Variants in TMED5 observed in about 807,000 individuals in gnomAD.
TMED5 encodes the protein transmembrane emp24 domain-containing protein 5.
In TMED5, 27 loss-of-function variants were observed where a neutral mutation model predicts 23.0. That is an observed-to-expected ratio of 1.17 (90% CI 0.86 to 1.62). The LOEUF (loss-of-function observed/expected upper bound fraction) is 1.62, where lower values mean the gene tolerates loss of function less well. Ranked by LOEUF, TMED5 falls within the 40% of genes most tolerant of loss-of-function variation. TMED5 has a pLI of 0.00. For missense variants in TMED5, 248 were observed against 273.7 expected (o/e 0.91, Z 0.66); for synonymous variants, 97 against 100.8 (o/e 0.96, Z 0.23).
In TMED5 at chr1:93,151,091, A is replaced by G. The variant is rs981634544; in HGVS notation, c.*3579T>C. 10 of 152,160 alleles carry G rather than the reference A, an allele frequency of 6.6e-5. No homozygotes were observed. Among genetic ancestry groups the G allele is most frequent in the African/African-American group, 2.4e-4 (10 of 41,428 alleles). 9.4% of individuals were successfully genotyped at this position (152,160 alleles called of 1,614,324 possible). On this transcript the variant is annotated 3_prime_UTR_variant, in exon 4 of 4. Coordinates refer to ENST00000370282, the MANE Select transcript of TMED5 (RefSeq NM_016040.5). ...ATGCAGGGATCCAGAGTCCATCTCC[A>G]TTGTGCCCTGTCTTATGTAACATCA...
At chr1:93,163,632 T>C (rs1398597928) in intron 1 of TMED5, among the ~76,000 whole-genome samples, 2 of 151,474 alleles carry the variant, frequency 1.3e-5, no homozygotes, top group Admixed American at 6.6e-5. Context: ...TGTGAGCCAC[T>C]GTGCCTGGCC....
rs1274783059 is a variant in TMED5 at position 93,153,677 on chromosome 1, G to C, written c.*993C>G. On this transcript the variant is annotated 3_prime_UTR_variant, in exon 4 of 4. Coordinates refer to ENST00000370282, the MANE Select transcript of TMED5 (RefSeq NM_016040.5). ...TTTTTCTAAATTCTTTCCTGTTTCT[G>C]ATAATTCTTAGAGCTCAGAAAAGGA... 2 of 151,952 alleles carry C rather than the reference G, an allele frequency of 1.3e-5. No individual in the cohort carries two copies. Among genetic ancestry groups the C allele is most frequent in the Admixed American group, 1.3e-4 (2 of 15,244 alleles). The allele number at this position is 151,952 out of a possible 1,614,324, so 9.4% of individuals were successfully genotyped here. A position where few individuals can be genotyped will look rare whatever the true frequency, so the allele number is the denominator to read the frequency against.
chr1:93,157,399 A>G (rs772680471), intron 2 of TMED5, among the ~76,000 whole-genome samples: 1 of 152,226 alleles, frequency 6.6e-6, no homozygotes, highest in Non-Finnish European at 1.5e-5. Context: ...CTGAATTACC[A>G]GTACCCTAGT....
At chr1:93,156,010 A>G in intron 3 of TMED5, 1 of 1,297,896 alleles carries the variant, frequency 7.7e-7, no homozygotes, top group Non-Finnish European at 1.0e-6. Context: ...AAAAATTCTA[A>G]CTGCACATTT....
intron 1 of TMED5, among the ~76,000 whole-genome samples, chr1:93,170,139 C>T (rs992211007): frequency 2.6e-5 from 4 of 152,220 alleles, no homozygotes; most frequent in African/African-American, 9.6e-5. Flanking sequence ...CTCTCAGCGC[C>T]TCCTTGGCCT....
chr1:93,168,767 G>A (rs1338716855), intron 1 of TMED5, among the ~76,000 whole-genome samples: 3 of 152,178 alleles, frequency 2.0e-5, no homozygotes, highest in Non-Finnish European at 2.9e-5. Flanking sequence ...TCTGGGAGGT[G>A]GAGGTTGCAG....
chr1:93,173,520 A>T (rs550577336), intron 1 of TMED5, among the ~76,000 whole-genome samples: 1 of 152,326 alleles, frequency 6.6e-6, no homozygotes, highest in African/African-American at 2.4e-5. Flanking sequence ...GAAAATAGAG[A>T]TGAACTACAA....
intron 1 of TMED5, among the ~76,000 whole-genome samples, chr1:93,171,874 T>C (rs1306357060): frequency 2.0e-5 from 3 of 152,246 alleles, no homozygotes; most frequent in African/African-American, 7.2e-5. Flanking sequence ...CAGATGGATT[T>C]GTTCCAAGTA....
rs570122389 is a variant in TMED5, at chr1:93,179,939, G to T, written c.189+115C>A. ...CGCGGAGCGGGCTGGCTTCCTGAAC[G>T]GCCCTCGCCTCTTCACCACCAGGGC... On this transcript the variant is annotated intron_variant, in intron 1 of 3. Coordinates refer to ENST00000370282, the MANE Select transcript of TMED5 (RefSeq NM_016040.5). The T allele has an allele frequency of 1.3e-5, 15 of 1,161,950 alleles. No homozygotes were observed. The South Asian group carries it at 2.1e-4, about 16-fold the overall frequency. 72.0% of individuals were successfully genotyped at this position (1,161,950 alleles called of 1,614,324 possible).
rs540727546 is a variant in TMED5 at position 93,150,800 on chromosome 1, G to A, written c.*3870C>T. 2.0e-5 allele frequency: 3 copies of A among 152,300 alleles called. No homozygotes were observed. The East Asian group carries it at 5.8e-4, about 29-fold the overall frequency. The allele number at this position is 152,300 out of a possible 1,614,324, so 9.4% of individuals were successfully genotyped here. A position where few individuals can be genotyped will look rare whatever the true frequency, so the allele number is the denominator to read the frequency against. On this transcript the variant is annotated 3_prime_UTR_variant, in exon 4 of 4. Transcript: ENST00000370282. Reference sequence around the variant, plus strand: ...TTGCCACTTAACACTTCCAGGATTAGGGAGTAGTATCTTTCTTTCTGAGGG... The same window carrying A: ...TTGCCACTTAACACTTCCAGGATTAAGGAGTAGTATCTTTCTTTCTGAGGG...
intron 1 of TMED5, among the ~76,000 whole-genome samples, chr1:93,178,742 C>T (rs976507646): frequency 6.6e-6 from 1 of 152,236 alleles, no homozygotes; most frequent in Admixed American, 6.5e-5. Context: ...CTGTGCTTAT[C>T]GTGTGTATCT....
intron 3 of TMED5, among the ~76,000 whole-genome samples, chr1:93,155,449 A>C (rs1381248142): frequency 1.3e-5 from 2 of 151,944 alleles, no homozygotes; most frequent in Non-Finnish European, 2.9e-5. Flanking sequence ...GTAACATGAA[A>C]TTATTCTGAG....
At chr1:93,173,949 A>G (rs907436644) in intron 1 of TMED5, among the ~76,000 whole-genome samples, 13 of 152,034 alleles carry the variant, frequency 8.6e-5, no homozygotes, top group African/African-American at 3.1e-4. Context: ...ATAGAGTTAC[A>G]AAGAGGTTTT....
At chr1:93,176,103 A>G (rs1648901669) in intron 1 of TMED5, among the ~76,000 whole-genome samples, 1 of 152,168 alleles carries the variant, frequency 6.6e-6, no homozygotes, top group Non-Finnish European at 1.5e-5. Context: ...TCTCTGCAAA[A>G]GACCCATATC....
At position 93,180,361 on chromosome 1, in the gene TMED5, T is replaced by TGGCGGCCGCGGC. The variant is rs1468383255; in HGVS notation, c.-131_-120dup. 1 of 1,345,282 alleles carries TGGCGGCCGCGGC rather than the reference T, an allele frequency of 7.4e-7. No homozygotes were observed. The highest frequency in any genetic ancestry group is 1.0e-6 in the Non-Finnish European group (1 of 995,912). The allele number at this position is 1,345,282 out of a possible 1,614,324, so 83.3% of individuals were successfully genotyped here. Reference sequence around the variant, plus strand: ...ATCTGGAGTCTGAAGAAACTCCAGGTGGCGGCCGCGGCGGCGGCGAACACT... The same window carrying TGGCGGCCGCGGC: ...ATCTGGAGTCTGAAGAAACTCCAGGTGGCGGCCGCGGCGGCGGCCGCGGCGGCGGCGAACACT... On this transcript the variant is annotated 5_prime_UTR_variant, in exon 1 of 4. Transcript: ENST00000370282.
Position 93,170,437 on chromosome 1 carries a change from G to A in TMED5, c.189+9617C>T, listed in dbSNP as rs145111979. 8.5e-5 allele frequency among the ~76,000 whole-genome samples: 13 copies of A among 152,328 alleles called. No homozygotes were observed. The South Asian group carries it at 2.5e-3, about 29-fold the overall frequency. ...CAGCAGCTGCTGTGCTCGATTTCTC[G>A]CAGGACCTTAGCTGCCTCCCCGCGG... is the stretch of plus-strand genomic sequence containing the variant. On this transcript the variant is annotated intron_variant, in intron 1 of 3. Transcript: ENST00000370282.
At chr1:93,179,735 G>C (rs7414921) in intron 1 of TMED5, among the ~76,000 whole-genome samples, 2 of 152,238 alleles carry the variant, frequency 1.3e-5, no homozygotes, top group African/African-American at 4.8e-5. Context: ...AGAGCGTGTA[G>C]TGGCTAAGAA....
At chr1:93,165,811 C>CTA (rs1648482687) in intron 1 of TMED5, among the ~76,000 whole-genome samples, 1 of 152,154 alleles carries the variant, frequency 6.6e-6, no homozygotes, top group African/African-American at 2.4e-5. Flanking sequence ...TTATGATTGA[C>CTA]TATAGTCAAC....
At chr1:93,173,062 G>T (rs1471979039) in intron 1 of TMED5, among the ~76,000 whole-genome samples, 6 of 152,170 alleles carry the variant, frequency 3.9e-5, no homozygotes, top group Non-Finnish European at 8.8e-5. Flanking sequence ...GGGACTTGGG[G>T]AGAGAGGGAA....
Sources: allele counts gnomAD v4.1 joint callset (sites outside exome capture counted in the v4.1 genomes callset), GRCh38; gene constraint gnomAD v4.1.1; transcripts MANE v1.5; gene names NCBI Gene and HGNC (gene_info 2026-07-23, HGNC 2026-07-21).